Variants in KRT79 observed in about 807,000 individuals in gnomAD.
KRT79 encodes the protein keratin, type II cytoskeletal 79.
Under a neutral mutation model 49.0 loss-of-function variants are expected in KRT79, and 51 were observed. The ratio of observed to expected loss-of-function variants is 1.04; its 90% confidence interval spans 0.83 to 1.31. The LOEUF (loss-of-function observed/expected upper bound fraction) is 1.31. KRT79 is among the 40% of genes most tolerant of loss of function. The pLI is 0.00. For synonymous variants in KRT79, 312 were observed against 286.6 expected (o/e 1.09, Z -0.90); for missense variants, 728 against 688.0 (o/e 1.06, Z -0.65).
Position 52,821,614 on chromosome 12 carries a change from A to ACCATATCATT in KRT79, c.*257_*258insAATGATATGG. On this transcript the variant is annotated 3_prime_UTR_variant, in exon 9 of 9. Coordinates refer to ENST00000330553, the MANE Select transcript of KRT79 (RefSeq NM_175834.3). ...GAAATTCAGCCTCCTCTCGGTGGTC[A>ACCATATCATT]AAAGGTCACCCCCAAGTCACCCAAG... is the stretch of plus-strand genomic sequence containing the variant. 6 of 391,626 alleles carry ACCATATCATT rather than the reference A, an allele frequency of 1.5e-5. No homozygotes were observed. The highest frequency in any genetic ancestry group is 9.7e-5 in the South Asian group (3 of 30,848). The allele number at this position is 391,626 out of a possible 1,614,324, so 24.3% of individuals were successfully genotyped here.
intron 4 of KRT79, among the ~76,000 whole-genome samples, chr12:52,825,266 G>A (rs1385765483): frequency 6.6e-6 from 1 of 152,166 alleles, no homozygotes; most frequent in Non-Finnish European, 1.5e-5. Context: ...CCTGATAGGT[G>A]GAGAACCTTC....
At chr12:52,830,461 A>C in intron 2 of KRT79, 169 bp from the exon 3 acceptor site, 1 of 601,586 alleles carries the variant, frequency 1.7e-6, no homozygotes, top group Non-Finnish European at 3.0e-6. Context: ...GTCTGCCTTG[A>C]TTTAAACATT....
Position 52,830,093 on chromosome 12 carries a change from C to A in KRT79, c.785G>T (p.Arg262Leu). 6.2e-7 allele frequency: 1 copy of A among 1,614,146 alleles called. No homozygotes were observed. Among genetic ancestry groups the A allele is most frequent in the African/African-American group, 1.3e-5 (1 of 75,012 alleles). Reference sequence around the variant, plus strand: ...GCCCACTTTGCCATGCAGATCCATCCGGCCCATGTATGCTGCATCCACATC... The same window carrying A: ...GCCCACTTTGCCATGCAGATCCATCAGGCCCATGTATGCTGCATCCACATC... ...KKDVDAAYMG[R>L]MDLHGKVGTL... Residue 262 changes from arginine to leucine, a missense_variant, in exon 4 of 9, where the codon CGG (arginine) becomes CTG (leucine). Arg to Leu is a moderately radical substitution (Grantham distance 102). Transcript: ENST00000330553.
chr12:52,824,161 C>A (rs1592316477), intron 5 of KRT79, 37 bp downstream of exon 5: 3 of 1,613,898 alleles, frequency 1.9e-6, no homozygotes. Context: ...TCTGATCCGA[C>A]CCCAGGCCTC....
In KRT79 at chr12:52,822,329, G is replaced by A. The variant is rs184492013; in HGVS notation, c.1402+16C>T. ...CTGGCCAGGGGTGGAGCAGGAAGTG[G>A]GGAGTAAATACTCACAAATGCTGAC... is the stretch of plus-strand genomic sequence containing the variant. On this transcript the variant is annotated intron_variant, in intron 8 of 8. Coordinates refer to ENST00000330553, the MANE Select transcript of KRT79 (RefSeq NM_175834.3). 7 of 1,605,912 alleles carry A rather than the reference G, an allele frequency of 4.4e-6. No individual in the cohort carries two copies. The African/African-American group carries it at 5.3e-5, about 12-fold the overall frequency.
At chr12:52,824,460 C>T in intron 4 of KRT79, 98 bp from the exon 5 acceptor site, 1 of 1,258,734 alleles carries the variant, frequency 7.9e-7, no homozygotes, top group Non-Finnish European at 1.1e-6. Context: ...CATCAGGAGG[C>T]CTGTGCTCTT....
At chr12:52,830,145 C>T in intron 3 of KRT79, 27 bp from the exon 4 acceptor site, 3 of 1,613,008 alleles carry the variant, frequency 1.9e-6, no homozygotes, top group Non-Finnish European at 2.5e-6. Flanking sequence ...AAGACAGATC[C>T]TCAGGCCCCA....
rs140416696 is a variant in KRT79, at chr12:52,833,845, C to G, written c.416G>C (p.Arg139Pro). 2 of 1,613,950 alleles carry G rather than the reference C, an allele frequency of 1.2e-6. No individual in the cohort carries two copies. Among genetic ancestry groups the G allele is most frequent in the Non-Finnish European group, 1.7e-6 (2 of 1,179,988 alleles). ...CTTGATCTGCTCCCGCTCCTGAGTG[C>G]GCACTCGCTGGATCTCGGGGTCAAT... ...VEIDPEIQRV[R>P]TQEREQIKTL... Residue 139 changes from arginine (R) to proline (P), a missense_variant, in exon 1 of 9, where the codon CGC becomes CCC. Transcript: ENST00000330553.
At position 52,834,124 on chromosome 12, in the gene KRT79, C is replaced by G. The variant is rs144706200; in HGVS notation, c.137G>C (p.Gly46Ala). ...VTVSRSSGSG[G>A]GAHCGPGTGG... ...TGTGCCGGGGCCACAGTGGGCCCCG[C>G]CACCACTGCCACTGCTCCGAGACAC... Residue 46 changes from glycine to alanine, a missense_variant, in exon 1 of 9, where the codon GGC (glycine) becomes GCC (alanine). Physicochemically the swap from Gly to Ala is moderately conservative, Grantham distance 60 (BLOSUM62 0). Coordinates refer to ENST00000330553, the MANE Select transcript of KRT79 (RefSeq NM_175834.3). 1.9e-6 allele frequency: 3 copies of G among 1,613,282 alleles called. No homozygotes were observed. The highest frequency in any genetic ancestry group is 2.2e-5 in the South Asian group (2 of 91,068).
In KRT79 at chr12:52,823,399, G is replaced by A. The variant is rs75055310; in HGVS notation, c.1147-163C>T. On this transcript the variant is annotated intron_variant, in intron 6 of 8. Coordinates refer to ENST00000330553, the MANE Select transcript of KRT79 (RefSeq NM_175834.3). ...CTGAAGAGATGCTATTACACAAGCAGGATCAAGTAAGGCCACTGGGAAAGT... is the reference window on the plus strand; with the variant it reads ...CTGAAGAGATGCTATTACACAAGCAAGATCAAGTAAGGCCACTGGGAAAGT... Among the ~76,000 whole-genome samples the A allele has an allele frequency of 1.8e-3, 274 of 152,270 alleles. 4 individuals carry two copies. In the East Asian group the frequency reaches 0.038, roughly 21 times the overall value.
intron 6 of KRT79, among the ~76,000 whole-genome samples, chr12:52,823,561 G>A (rs114334991): frequency 3.3e-5 from 5 of 152,274 alleles, no homozygotes; most frequent in Admixed American, 6.5e-5. Flanking sequence ...CTTTTTAGCC[G>A]TTCTAAAGGT....
intron 4 of KRT79, among the ~76,000 whole-genome samples, chr12:52,826,639 C>T (rs1940179948): frequency 6.6e-6 from 1 of 151,880 alleles, no homozygotes; most frequent in South Asian, 2.1e-4. Context: ...GGGGGAAAGA[C>T]AGTGGAGACT....
At chr12:52,833,187 C>T (rs997100557) in intron 1 of KRT79, among the ~76,000 whole-genome samples, 3 of 152,174 alleles carry the variant, frequency 2.0e-5, no homozygotes, top group African/African-American at 7.2e-5. Context: ...CCACCCTCCT[C>T]ATTGTCCACC....
At position 52,833,934 on chromosome 12, in the gene KRT79, A is replaced by C. The variant is rs1000255684; in HGVS notation, c.327T>G (p.Cys109Trp). ...GAGRQTFGPACPPGGIQEVTV... is the reference protein window; with the variant it reads ...GAGRQTFGPAWPPGGIQEVTV... The stretch of plus-strand genomic sequence containing the variant: ...TGACCTCCTGGATCCCCCCAGGAGG[A>C]CAAGCAGGCCCAAACGTCTGCCTGC... The change falls in exon 1 of 9, where the codon TGT (cysteine) becomes TGG (tryptophan). Residue 109 changes from cysteine (C) to tryptophan (W), a missense_variant. Coordinates refer to ENST00000330553, the MANE Select transcript of KRT79 (RefSeq NM_175834.3). The C allele has an allele frequency of 1.2e-6, 2 of 1,613,206 alleles. No individual in the cohort carries two copies. The highest frequency in any genetic ancestry group is 1.7e-5 in the Admixed American group (1 of 59,938).
In KRT79 at chr12:52,833,767, C is replaced by T; in HGVS notation, c.477+17G>A. 1 of 1,604,790 alleles carries T rather than the reference C, an allele frequency of 6.2e-7. No homozygotes were observed. Among genetic ancestry groups the T allele is most frequent in the Non-Finnish European group, 8.5e-7 (1 of 1,171,746 alleles). On this transcript the variant is annotated intron_variant, in intron 1 of 8. Transcript: ENST00000330553. ...TTCTTCCCCAAGAGCTCCCTTCCTCCTTCCTGCTTGGCCCACCTTGTCGAT... is the reference window on the plus strand; with the variant it reads ...TTCTTCCCCAAGAGCTCCCTTCCTCTTTCCTGCTTGGCCCACCTTGTCGAT...
rs770211365 is a variant in KRT79, at chr12:52,831,538, T to C, written c.566A>G (p.Asn189Ser). The C allele has an allele frequency of 1.2e-6, 2 of 1,614,242 alleles. No homozygotes were observed. Among genetic ancestry groups the C allele is most frequent in the South Asian group, 1.1e-5 (1 of 91,088 alleles). The change falls in exon 2 of 9, where the codon AAC becomes AGC. Residue 189 changes from asparagine (N) to serine (S), a missense_variant. Transcript: ENST00000330553. ...EQGQNLGVTRNNLEPLFEAYL... is the reference protein window; with the variant it reads ...EQGQNLGVTRSNLEPLFEAYL... The stretch of plus-strand genomic sequence containing the variant: ...GGCCTCAAAGAGGGGCTCCAGGTTG[T>C]TCCTGGTGACACCCAAGTTCTGGCC...
chr12:52,824,137 C>G (rs1302417605), intron 5 of KRT79, 61 bp downstream of exon 5: 2 of 1,613,022 alleles, frequency 1.2e-6, no homozygotes, highest in African/African-American at 2.7e-5. Flanking sequence ...GCCCAAGCCT[C>G]TCACGATGGG....
chr12:52,826,948 C>T (rs1940184117), intron 4 of KRT79, among the ~76,000 whole-genome samples: 1 of 152,076 alleles, frequency 6.6e-6, no homozygotes, highest in Admixed American at 6.5e-5. Context: ...ACTGCTGGGC[C>T]GTGAGGACCT....
At chr12:52,824,786 G>A (rs1940154552) in intron 4 of KRT79, among the ~76,000 whole-genome samples, 1 of 152,150 alleles carries the variant, frequency 6.6e-6, no homozygotes, top group Non-Finnish European at 1.5e-5. Flanking sequence ...AGCATGTCCA[G>A]CACCAGCCAA....
Sources: gnomAD v4.1 joint callset for allele counts (sites outside exome capture counted in the v4.1 genomes callset) on GRCh38, gnomAD v4.1.1 for gene constraint, MANE v1.5 for transcripts, NCBI Gene and HGNC (gene_info 2026-07-23, HGNC 2026-07-21) for gene names.